The following TLN2 variants were observed in gnomAD, a reference collection of about 807,000 sequenced individuals.
TLN2 encodes talin-2.
A neutral mutation model predicts 294.7 loss-of-function variants in TLN2; 118 were observed. That is an observed-to-expected ratio of 0.40 (90% CI 0.34 to 0.47). The LOEUF (loss-of-function observed/expected upper bound fraction) is 0.47, where lower values mean the gene tolerates loss of function less well. TLN2 is among the 20% of genes least tolerant of loss of function. TLN2 has a pLI of 0.84. For missense variants in TLN2, 3,083 were observed against 3,282.2 expected, an observed-to-expected ratio of 0.94 and a Z score of 1.48; for synonymous variants, 1,431 against 1,304.5, an observed-to-expected ratio of 1.10 and a Z score of -2.09.
intron 20 of TLN2, among the ~76,000 whole-genome samples, chr15:62,707,515 G>A (rs2059144282): frequency 6.6e-6 from 1 of 152,140 alleles, no homozygotes; most frequent in African/African-American, 2.4e-5. Flanking sequence ...CTCCCCTTTG[G>A]ACTTCTCAGT....
In TLN2 at chr15:62,841,690, TGTTTTC is replaced by T. The variant is rs1345678664; in HGVS notation, c.*1081_*1086del. ...ACTTATTATCACATAAGACATAAGATGTTTTCATTTTCTGGATGTCACACTTCCAGA... is the reference window on the plus strand; with the variant it reads ...ACTTATTATCACATAAGACATAAGATATTTTCTGGATGTCACACTTCCAGA... On this transcript the variant is annotated 3_prime_UTR_variant, in exon 59 of 59. Coordinates refer to ENST00000636159, the MANE Select transcript of TLN2 (RefSeq NM_015059.3). The T allele has an allele frequency of 6.6e-6, 1 of 152,000 alleles. No individual in the cohort carries two copies. The highest frequency in any genetic ancestry group is 1.5e-5 in the Non-Finnish European group (1 of 68,036). The allele number at this position is 152,000 out of a possible 1,614,324, so 9.4% of individuals were successfully genotyped here.
intron 1 of TLN2, among the ~76,000 whole-genome samples, chr15:62,576,069 T>C (rs188190225): frequency 5.9e-4 from 90 of 152,316 alleles, no homozygotes; most frequent in African/African-American, 2.1e-3. Context: ...TTATGTGATA[T>C]TTTATGTTCT....
intron 33 of TLN2, 86 bp downstream of exon 33, chr15:62,748,530 T>C: frequency 1.8e-6 from 2 of 1,128,150 alleles, no homozygotes; most frequent in Non-Finnish European, 2.7e-6. Context: ...TATGTCTGTG[T>C]CTGTTCTTTC....
At chr15:62,831,052 A>G (rs2068788450) in intron 54 of TLN2, 1 of 151,806 alleles carries the variant, frequency 6.6e-6, no homozygotes, top group African/African-American at 2.4e-5. Context: ...TAAAAAAAAA[A>G]AAAACTCCAG....
At position 62,741,868 on chromosome 15, in the gene TLN2, G is replaced by T. The variant is rs541239835; in HGVS notation, c.4025+1099G>T. 1.4e-3 allele frequency among the ~76,000 whole-genome samples: 209 copies of T among 151,032 alleles called. 1 individual carries two copies. The highest frequency in any genetic ancestry group is 4.9e-3 in the African/African-American group (201 of 41,174). The stretch of plus-strand genomic sequence containing the variant: ...GCTTTAATACTTGACTAACTCAGTC[G>T]CATTGGTCAGGTTGCTCAGCCTGTC... On this transcript the variant is annotated intron_variant, in intron 32 of 58. Coordinates refer to ENST00000636159, the MANE Select transcript of TLN2 (RefSeq NM_015059.3).
rs567975211 is a variant in TLN2, at chr15:62,597,003, A to G, written c.-162+7241A>G. Among the ~76,000 whole-genome samples, 148 of 152,178 alleles carry G rather than the reference A, an allele frequency of 9.7e-4. 2 individuals carry two copies. The highest frequency in any genetic ancestry group is 3.4e-3 in the African/African-American group (141 of 41,492). ...TCAATCTTAAAGGCTGTTTCATGGT[A>G]GCTTGTTGGGATGGCAGATCACGCT... On this transcript the variant is annotated intron_variant, in intron 2 of 58. Coordinates refer to ENST00000636159, the MANE Select transcript of TLN2 (RefSeq NM_015059.3).
At chr15:62,592,043 T>G (rs2046120123) in intron 2 of TLN2, among the ~76,000 whole-genome samples, 1 of 152,164 alleles carries the variant, frequency 6.6e-6, no homozygotes, top group South Asian at 2.1e-4. Context: ...AGCCGTTATC[T>G]GTGGGAAATG....
chr15:62,600,263 G>A (rs889021035), intron 2 of TLN2, among the ~76,000 whole-genome samples: 1 of 152,226 alleles, frequency 6.6e-6, no homozygotes, highest in African/African-American at 2.4e-5. Flanking sequence ...CTCTTTCCAG[G>A]ATGAGTAAAA....
At chr15:62,786,884 C>T (rs1221381088) in intron 45 of TLN2, among the ~76,000 whole-genome samples, 3 of 152,166 alleles carry the variant, frequency 2.0e-5, no homozygotes, top group Non-Finnish European at 4.4e-5. Context: ...TTTATGCCAA[C>T]CTAATAATAA....
chr15:62,517,776 G>C (rs1258615778), intron 1 of TLN2, among the ~76,000 whole-genome samples: 1 of 152,136 alleles, frequency 6.6e-6, no homozygotes, highest in Non-Finnish European at 1.5e-5. Flanking sequence ...TGGTACAAAA[G>C]TTTCCCAGAC....
At chr15:62,606,834 TGTGGA>T (rs1236916836) in intron 2 of TLN2, among the ~76,000 whole-genome samples, 2 of 152,170 alleles carry the variant, frequency 1.3e-5, no homozygotes, top group African/African-American at 4.8e-5. Flanking sequence ...TGCCGTGTAG[TGTGGA>T]GTGAAGTGAA....
chr15:62,693,652 A>G (rs2058094578), intron 13 of TLN2, among the ~76,000 whole-genome samples: 1 of 151,976 alleles, frequency 6.6e-6, no homozygotes, highest in African/African-American at 2.4e-5. Flanking sequence ...ATAGTGGTAT[A>G]TAGAAAAACA....
intron 1 of TLN2, among the ~76,000 whole-genome samples, chr15:62,560,975 C>T (rs1567100624): frequency 6.6e-6 from 1 of 152,218 alleles, no homozygotes; most frequent in Non-Finnish European, 1.5e-5. Context: ...AAATGATTTG[C>T]CTTTCCATTT....
intron 42 of TLN2, among the ~76,000 whole-genome samples, chr15:62,772,575 G>A (rs2063412810): frequency 6.6e-6 from 1 of 152,126 alleles, no homozygotes; most frequent in Admixed American, 6.5e-5. Context: ...CTTTTCTCCA[G>A]GCTATTGACT....
intron 1 of TLN2, among the ~76,000 whole-genome samples, chr15:62,505,836 G>A (rs1595963382): frequency 6.6e-6 from 1 of 152,242 alleles, no homozygotes; most frequent in East Asian, 1.9e-4. Flanking sequence ...GATGGGGGGC[G>A]GACGGGGAAG....
In TLN2 at chr15:62,693,015, C is replaced by G; in HGVS notation, c.1215+74C>G. 4 of 1,307,078 alleles carry G rather than the reference C, an allele frequency of 3.1e-6. 1 individual carries two copies. The South Asian group carries it at 5.1e-5, about 17-fold the overall frequency. The allele number at this position is 1,307,078 out of a possible 1,614,324, so 81.0% of individuals were successfully genotyped here. A position where few individuals can be genotyped will look rare whatever the true frequency, so the allele number is the denominator to read the frequency against. On this transcript the variant is annotated intron_variant, in intron 13 of 58. Transcript: ENST00000636159. ...GGCTTGGTTTCGATGACGTGGCTACCTTGAAAAAAAAATCCTCTTAAATAA... is the reference window on the plus strand; with the variant it reads ...GGCTTGGTTTCGATGACGTGGCTACGTTGAAAAAAAAATCCTCTTAAATAA...
chr15:62,644,148 C>T (rs996092312), intron 3 of TLN2, among the ~76,000 whole-genome samples: 10 of 151,174 alleles, frequency 6.6e-5, no homozygotes, highest in Admixed American at 1.3e-4. Context: ...GGCTCTCCCC[C>T]GCGCCACCCA....
chr15:62,444,007 A>G (rs757817068), intron 1 of TLN2, among the ~76,000 whole-genome samples: 32 of 152,274 alleles, frequency 2.1e-4, no homozygotes, highest in Non-Finnish European at 3.7e-4. Flanking sequence ...AAAGGGGAGA[A>G]TCTGTTTTCT....
intron 45 of TLN2, among the ~76,000 whole-genome samples, chr15:62,789,691 T>C (rs1292518225): frequency 1.3e-5 from 2 of 152,186 alleles, no homozygotes; most frequent in Admixed American, 1.3e-4. Flanking sequence ...GCCTTGCATT[T>C]TGCAAATAGA....
Sources: allele counts gnomAD v4.1 joint callset (sites outside exome capture counted in the v4.1 genomes callset), GRCh38; gene constraint gnomAD v4.1.1; transcripts MANE v1.5; gene names NCBI Gene and HGNC (gene_info 2026-07-23, HGNC 2026-07-21).